USP32: variants seen among roughly 807,000 people sequenced by gnomAD.
USP32 encodes ubiquitin carboxyl-terminal hydrolase 32.
A neutral mutation model predicts 204.8 loss-of-function variants in USP32; 59 were observed. The observed-to-expected ratio is 0.29, with a 90% CI of 0.23 to 0.36. The LOEUF (loss-of-function observed/expected upper bound fraction) is 0.36. USP32 is among the 10% of genes least tolerant of loss of function. The pLI, the probability that USP32 is intolerant of heterozygous loss-of-function variation, is 1.00. For synonymous variants in USP32, 517 were observed against 678.4 expected, an observed-to-expected ratio of 0.76 and a Z score of 3.70; for missense variants, 1,160 against 1,946.4, an observed-to-expected ratio of 0.60 and a Z score of 7.60.
intron 5 of USP32, among the ~76,000 whole-genome samples, chr17:60,273,651 T>A (rs902983163): frequency 5.9e-5 from 9 of 151,932 alleles, no homozygotes; most frequent in African/African-American, 2.2e-4. Flanking sequence ...TGACCCAAAA[T>A]CAGGATTAAA....
Position 60,233,245 on chromosome 17 carries a change from C to T in USP32, c.1239+2893G>A, listed in dbSNP as rs113582001. Among the ~76,000 whole-genome samples, 995 of 152,292 alleles carry T rather than the reference C, an allele frequency of 6.5e-3. 5 individuals carry two copies. The highest frequency in any genetic ancestry group is 0.011 in the Non-Finnish European group (736 of 68,034). On this transcript the variant is annotated intron_variant, in intron 12 of 33. Transcript: ENST00000300896. ...CTCTGAGAGCCCAAGGCAGGAGAAT[C>T]GCTTGAGCCCAGGAGTTCGAGACTA...
At chr17:60,278,470 G>C (rs2145814424) in intron 5 of USP32, among the ~76,000 whole-genome samples, 1 of 152,040 alleles carries the variant, frequency 6.6e-6, no homozygotes, top group East Asian at 1.9e-4. Flanking sequence ...GGTTAACTAG[G>C]GAAAGGAAAA....
intron 1 of USP32, among the ~76,000 whole-genome samples, chr17:60,356,675 T>C (rs2089086032): frequency 6.6e-6 from 1 of 151,964 alleles, no homozygotes; most frequent in Admixed American, 6.6e-5. Context: ...CAAATAGCAG[T>C]AACAAACCTT....
At chr17:60,240,178 G>A (rs1433153268) in intron 11 of USP32, among the ~76,000 whole-genome samples, 2 of 152,218 alleles carry the variant, frequency 1.3e-5, no homozygotes, top group Non-Finnish European at 2.9e-5. Context: ...TTTCCTCTGC[G>A]AATGGACCAC....
At chr17:60,312,578 G>GCA (rs1200383040) in intron 2 of USP32, among the ~76,000 whole-genome samples, 1 of 151,814 alleles carries the variant, frequency 6.6e-6, no homozygotes, top group African/African-American at 2.4e-5. Context: ...GTAGCTGAGC[G>GCA]CACAGGAACA....
intron 1 of USP32, among the ~76,000 whole-genome samples, chr17:60,380,012 T>C (rs1241065678): frequency 6.6e-6 from 1 of 152,204 alleles, no homozygotes; most frequent in African/African-American, 2.4e-5. Context: ...TACATATATA[T>C]GTAAAAATAC....
intron 2 of USP32, among the ~76,000 whole-genome samples, chr17:60,325,515 T>C (rs2088212058): frequency 6.6e-6 from 1 of 152,176 alleles, no homozygotes; most frequent in Admixed American, 6.5e-5. Flanking sequence ...ATAACACTGA[T>C]TTAACCAAAA....
chr17:60,266,198 A>G (rs1012307617), intron 7 of USP32, 107 bp from the exon 8 acceptor site: 55 of 768,282 alleles, frequency 7.2e-5, no homozygotes, highest in Non-Finnish European at 1.1e-4. Flanking sequence ...TAAAGCAAGT[A>G]TATGTATTCT....
intron 1 of USP32, among the ~76,000 whole-genome samples, chr17:60,381,346 T>C (rs1313966571): frequency 6.7e-6 from 1 of 149,940 alleles, no homozygotes; most frequent in East Asian, 2.0e-4. Flanking sequence ...GAGGCTGAGA[T>C]GGAAGGATTG....
chr17:60,212,284 T>C (rs2084989316), intron 18 of USP32, among the ~76,000 whole-genome samples, 186 bp from the exon 19 acceptor site: 1 of 152,238 alleles, frequency 6.6e-6, no homozygotes, highest in African/African-American at 2.4e-5. Context: ...GATTTTGTCT[T>C]TGTGTGAACA....
intron 1 of USP32, among the ~76,000 whole-genome samples, chr17:60,412,935 C>A (rs1358945105): frequency 6.6e-6 from 1 of 152,134 alleles, no homozygotes; most frequent in Non-Finnish European, 1.5e-5. Flanking sequence ...TATCATTAGA[C>A]TATTTAGAAA....
chr17:60,392,733 AAGAAT>A, upstream of USP32: 1 of 397,440 alleles, frequency 2.5e-6, no homozygotes, highest in Admixed American at 3.0e-5. Context: ...CCTGTGACAA[AAGAAT>A]GCTCACACCT....
At chr17:60,392,920 CATG>C (rs1233771213), upstream of USP32, among the ~76,000 whole-genome samples, 1 of 152,136 alleles carries the variant, frequency 6.6e-6, no homozygotes, top group African/African-American at 2.4e-5. Flanking sequence ...CCCCGAGAAA[CATG>C]AGGGCTACAA....
At chr17:60,209,882 T>C (rs2084915499) in intron 21 of USP32, among the ~76,000 whole-genome samples, 1 of 152,140 alleles carries the variant, frequency 6.6e-6, no homozygotes, top group African/African-American at 2.4e-5. Flanking sequence ...TCCTGTTCTA[T>C]AACGTTTTAC....
At chr17:60,275,121 C>G (rs2086809190) in intron 5 of USP32, among the ~76,000 whole-genome samples, 1 of 152,106 alleles carries the variant, frequency 6.6e-6, no homozygotes, top group South Asian at 2.1e-4. Context: ...AGAATAATAT[C>G]AGGCACATTT....
At position 60,306,275 on chromosome 17, in the gene USP32, A is replaced by T. The variant is rs190772483; in HGVS notation, c.187-4571T>A. 2.6e-5 allele frequency among the ~76,000 whole-genome samples: 4 copies of T among 152,330 alleles called. No individual in the cohort carries two copies. In the East Asian group the frequency reaches 7.7e-4, roughly 29 times the overall value. On this transcript the variant is annotated intron_variant, in intron 2 of 33. Transcript: ENST00000300896. ...AGGGTGGTCTTGATGTCATTTTTTGAAAAGCACTTAATAAAGGTAAAGTGT... is the reference window on the plus strand; with the variant it reads ...AGGGTGGTCTTGATGTCATTTTTTGTAAAGCACTTAATAAAGGTAAAGTGT...
Position 60,346,543 on chromosome 17 carries a change from T to G in USP32, c.59-935A>C, listed in dbSNP as rs186170882. ...ACAGATGATATTAACAAACTAAAAT[T>G]TTTAGATACTTATTATCAAAAACAA... On this transcript the variant is annotated intron_variant, in intron 1 of 33. Coordinates refer to ENST00000300896, the MANE Select transcript of USP32 (RefSeq NM_032582.4). 2.2e-3 allele frequency among the ~76,000 whole-genome samples: 331 copies of G among 152,308 alleles called. 4 individuals are homozygous for G. The highest frequency in any genetic ancestry group is 7.5e-3 in the African/African-American group (312 of 41,580).
chr17:60,219,682 A>C lies in USP32; in HGVS notation c.1855T>G (p.Trp619Gly). Reference protein sequence around the residue: ...PATRTQQSNIWVNMGNVPSPN... With the variant: ...PATRTQQSNIGVNMGNVPSPN... ...AGGCTCATCATACCCATATTCACCC[A>C]GATGTTAGACTGCTGTGTCCGAGTG... is the stretch of plus-strand genomic sequence containing the variant. The change falls in exon 16 of 34, where the codon TGG (tryptophan) becomes GGG (glycine). Residue 619 changes from tryptophan to glycine, a missense_variant. Transcript: ENST00000300896. 6.2e-7 allele frequency: 1 copy of C among 1,609,252 alleles called. No individual in the cohort carries two copies. Among genetic ancestry groups the C allele is most frequent in the Non-Finnish European group, 8.5e-7 (1 of 1,178,452 alleles).
intron 1 of USP32, 95 bp downstream of exon 1, chr17:60,391,787 C>T: frequency 7.2e-7 from 1 of 1,390,914 alleles, no homozygotes; most frequent in Non-Finnish European, 9.8e-7. Context: ...AGGCGCCCCA[C>T]GCCCTCAATC....
Sources: allele counts gnomAD v4.1 joint callset (sites outside exome capture counted in the v4.1 genomes callset), GRCh38; gene constraint gnomAD v4.1.1; transcripts MANE v1.5; gene names NCBI Gene and HGNC (gene_info 2026-07-23, HGNC 2026-07-21).